ROBO2: variants seen among roughly 807,000 people sequenced by gnomAD.
ROBO2 encodes the protein roundabout guidance receptor 2, also known as roundabout homolog 2.
In ROBO2, 53 loss-of-function variants were observed where a neutral mutation model predicts 160.8. The ratio of observed to expected loss-of-function variants is 0.33; its 90% CI spans 0.26 to 0.41. The LOEUF (loss-of-function observed/expected upper bound fraction) is 0.41. Among genes scored for constraint, ROBO2 ranks in the 10% least tolerant of loss-of-function variants. The pLI is 1.00. For synonymous variants in ROBO2, 664 were observed against 611.7 expected, an observed-to-expected ratio of 1.09 and a Z score of -1.26; for missense variants, 1,577 against 1,722.4, an observed-to-expected ratio of 0.92 and a Z score of 1.49.
intron 2 of ROBO2, among the ~76,000 whole-genome samples, chr3:77,437,930 T>C (rs1424313629): frequency 6.6e-6 from 1 of 151,988 alleles, no homozygotes. Context: ...GCTAGGATAA[T>C]AAATAAAGTG....
At chr3:76,300,578 T>C (rs936872799) in intron 2 of ROBO2, among the ~76,000 whole-genome samples, 2 of 151,998 alleles carry the variant, frequency 1.3e-5, no homozygotes, top group Non-Finnish European at 2.9e-5. Flanking sequence ...GGTGATTAAT[T>C]AACAAATTCT....
intron 5 of ROBO2, among the ~76,000 whole-genome samples, chr3:77,507,285 G>A (rs1390386967): frequency 2.0e-5 from 3 of 152,116 alleles, no homozygotes; most frequent in South Asian, 2.1e-4. Context: ...ACAGCATCTC[G>A]GACTGAACAT....
chr3:76,973,992 T>G (rs2059695988), intron 2 of ROBO2, among the ~76,000 whole-genome samples: 1 of 152,208 alleles, frequency 6.6e-6, no homozygotes, highest in East Asian at 1.9e-4. Context: ...CAAGAGGTTT[T>G]GAGTCTCTCT....
intron 2 of ROBO2, among the ~76,000 whole-genome samples, chr3:76,394,878 G>A (rs1024446834): frequency 6.6e-6 from 1 of 152,064 alleles, no homozygotes; most frequent in African/African-American, 2.4e-5. Flanking sequence ...ATAATAATGG[G>A]AGAATTTAAC....
chr3:77,456,484 G>C (rs993720492), intron 2 of ROBO2, among the ~76,000 whole-genome samples: 8 of 152,160 alleles, frequency 5.3e-5, no homozygotes, highest in Non-Finnish European at 1.0e-4. Flanking sequence ...GCTGGATTTT[G>C]TGTGCAAAAC....
intron 1 of ROBO2, among the ~76,000 whole-genome samples, chr3:75,922,371 T>A (rs979494558): frequency 1.7e-4 from 26 of 152,114 alleles, no homozygotes; most frequent in African/African-American, 4.3e-4. Context: ...TAACAGAAAA[T>A]TTTTTAAAAA....
intron 2 of ROBO2, among the ~76,000 whole-genome samples, chr3:75,979,895 T>C (rs1235261280): frequency 6.6e-6 from 1 of 151,764 alleles, no homozygotes; most frequent in South Asian, 2.1e-4. Flanking sequence ...TTGCTTAGTT[T>C]ATTTTCTCAC....
At chr3:76,036,491 G>T (rs2067113442) in intron 2 of ROBO2, among the ~76,000 whole-genome samples, 1 of 150,760 alleles carries the variant, frequency 6.6e-6, no homozygotes, top group Non-Finnish European at 1.5e-5. Flanking sequence ...CAAATGATTT[G>T]GGGCAAGTTT....
At chr3:77,119,398 G>T (rs2150249244) in intron 2 of ROBO2, among the ~76,000 whole-genome samples, 1 of 152,254 alleles carries the variant, frequency 6.6e-6, no homozygotes, top group African/African-American at 2.4e-5. Flanking sequence ...CATATGTGCA[G>T]CCTGTTGTTG....
At chr3:77,044,975 A>G (rs1247464459) in intron 1 of ROBO2, among the ~76,000 whole-genome samples, 1 of 151,122 alleles carries the variant, frequency 6.6e-6, no homozygotes, top group African/African-American at 2.4e-5. Context: ...TTTTTTTTCC[A>G]TGTGTGCCTT....
chr3:76,415,100 T>G (rs2075699133), intron 2 of ROBO2, among the ~76,000 whole-genome samples: 1 of 152,176 alleles, frequency 6.6e-6, no homozygotes, highest in African/African-American at 2.4e-5. Context: ...AGGCAGCATG[T>G]CTTTGATCTC....
chr3:76,157,331 G>C (rs2106892915), intron 2 of ROBO2, among the ~76,000 whole-genome samples: 1 of 152,218 alleles, frequency 6.6e-6, no homozygotes, highest in Admixed American at 6.5e-5. Flanking sequence ...GCACCTAAGA[G>C]ATTTGTGGGT....
intron 2 of ROBO2, among the ~76,000 whole-genome samples, chr3:76,442,064 G>A (rs1268573404): frequency 2.0e-5 from 3 of 152,102 alleles, no homozygotes; most frequent in South Asian, 2.1e-4. Context: ...TGAATATAAC[G>A]GCCAAAGACC....
intron 2 of ROBO2, among the ~76,000 whole-genome samples, chr3:76,913,762 G>C (rs1465171010): frequency 6.6e-6 from 1 of 152,098 alleles, no homozygotes; most frequent in East Asian, 1.9e-4. Flanking sequence ...GAGTAACTGT[G>C]AATAATACTC....
At chr3:76,548,500 G>A (rs1420562591) in intron 2 of ROBO2, among the ~76,000 whole-genome samples, 1 of 152,122 alleles carries the variant, frequency 6.6e-6, no homozygotes, top group Non-Finnish European at 1.5e-5. Flanking sequence ...AATCCCACAT[G>A]TTCACAAACA....
intron 5 of ROBO2, among the ~76,000 whole-genome samples, chr3:77,500,442 T>C (rs963922530): frequency 6.6e-6 from 1 of 152,182 alleles, no homozygotes; most frequent in Admixed American, 6.5e-5. Flanking sequence ...TATTAATTAT[T>C]TAAGGATTTG....
Position 76,329,165 on chromosome 3 carries a change from C to T in ROBO2, c.109+391563C>T, listed in dbSNP as rs80252852. 9.9e-5 allele frequency among the ~76,000 whole-genome samples: 15 copies of T among 152,112 alleles called. 1 individual carries two copies. Among genetic ancestry groups the T allele is most frequent in the African/African-American group, 3.1e-4 (13 of 41,534 alleles). On this transcript the variant is annotated intron_variant, in intron 2 of 26. Coordinates refer to the ROBO2 transcript ENST00000487694. ...ACCCCAAGTCCCCCACGGAGAGACACGACAAGGTCAGGCGGCGCTACTCCT... is the reference window on the plus strand; with the variant it reads ...ACCCCAAGTCCCCCACGGAGAGACATGACAAGGTCAGGCGGCGCTACTCCT...
chr3:76,173,673 C>T (rs551745091), intron 2 of ROBO2, among the ~76,000 whole-genome samples: 2 of 152,176 alleles, frequency 1.3e-5, no homozygotes, highest in East Asian at 3.9e-4. Context: ...TCATCCATGT[C>T]CCTGAAAAGG....
At chr3:77,632,760 C>A in intron 23 of ROBO2, 1 of 1,059,922 alleles carries the variant, frequency 9.4e-7, no homozygotes, top group Non-Finnish European at 1.3e-6. Context: ...GACTGTAGGG[C>A]TTTCTTTAAT....
Sources: gnomAD v4.1 joint callset for allele counts (sites outside exome capture counted in the v4.1 genomes callset) on GRCh38, gnomAD v4.1.1 for gene constraint, MANE v1.5 for transcripts, NCBI Gene and HGNC (gene_info 2026-07-23, HGNC 2026-07-21) for gene names.